The following SCAPER variants were observed in gnomAD, a reference collection of about 807,000 sequenced individuals.
SCAPER encodes S phase cyclin A-associated protein in the endoplasmic reticulum.
A neutral mutation model predicts 182.2 loss-of-function variants in SCAPER; 98 were observed. That is an observed-to-expected ratio of 0.54 (90% CI 0.46 to 0.64). The LOEUF (loss-of-function observed/expected upper bound fraction) is 0.64, where lower values mean the gene tolerates loss of function less well. SCAPER is among the 30% of genes least tolerant of loss of function. The pLI, the probability that SCAPER is intolerant of heterozygous loss-of-function variation, is 0.00. For synonymous variants in SCAPER, 605 were observed against 564.6 expected, an observed-to-expected ratio of 1.07 and a Z score of -1.01; for missense variants, 1,432 against 1,690.0, an observed-to-expected ratio of 0.85 and a Z score of 2.68.
intron 24 of SCAPER, among the ~76,000 whole-genome samples, chr15:76,501,042 A>G (rs754091320): frequency 1.2e-3 from 106 of 89,964 alleles, no homozygotes; most frequent in African/African-American, 5.9e-3. Flanking sequence ...AACCCTGTCT[A>G]AAAAAAAAAA....
chr15:76,749,951 C>G (rs12898416), intron 15 of SCAPER, among the ~76,000 whole-genome samples: 41,414 of 151,556 alleles, frequency 0.27, 6,434 homozygotes, highest in East Asian at 0.55. Context: ...AACAACAAAG[C>G]TTATGGACTT....
At chr15:76,641,204 T>C (rs1310309206) in intron 21 of SCAPER, among the ~76,000 whole-genome samples, 2 of 152,210 alleles carry the variant, frequency 1.3e-5, no homozygotes, top group African/African-American at 2.4e-5. Flanking sequence ...TTGCTAATCA[T>C]AGGTTATGGA....
chr15:76,432,407 C>A (rs2046929316), intron 26 of SCAPER, among the ~76,000 whole-genome samples: 1 of 152,220 alleles, frequency 6.6e-6, no homozygotes. Context: ...AAGGAAGCTA[C>A]TGAATGAAAC....
chr15:76,827,396 C>A (rs1266265642), intron 5 of SCAPER, among the ~76,000 whole-genome samples: 1 of 152,180 alleles, frequency 6.6e-6, no homozygotes, highest in Non-Finnish European at 1.5e-5. Context: ...AGTATACAGG[C>A]AGCTTAGCAC....
chr15:76,757,714 C>T (rs893803399), intron 14 of SCAPER, among the ~76,000 whole-genome samples: 1 of 152,148 alleles, frequency 6.6e-6, no homozygotes. Flanking sequence ...TACTAATTTA[C>T]ATTCCTACCA....
intron 11 of SCAPER, 57 bp from the exon 12 acceptor site, chr15:76,765,695 G>T: frequency 1.5e-6 from 2 of 1,330,596 alleles, no homozygotes; most frequent in South Asian, 2.5e-5. Context: ...TACAACTTTA[G>T]AAAATGAACT....
chr15:76,861,385 G>A (rs2071850435), intron 3 of SCAPER, among the ~76,000 whole-genome samples: 1 of 152,246 alleles, frequency 6.6e-6, no homozygotes, highest in South Asian at 2.1e-4. Context: ...TAACTGAAAA[G>A]GACACATCAT....
At chr15:76,673,050 GA>G (rs1160345575) in intron 20 of SCAPER, among the ~76,000 whole-genome samples, 1 of 151,920 alleles carries the variant, frequency 6.6e-6, no homozygotes, top group African/African-American at 2.4e-5. Context: ...TATGCCAAAA[GA>G]AAATAATGTA....
At position 76,348,118 on chromosome 15, in the gene SCAPER, A is replaced by G. The variant is rs557042400; in HGVS notation, c.*515T>C. ...CTAAGTTGATTTCAAATAGCCCCCA[A>G]ACATATTATGTAGTCAGAATGCAAA... On this transcript the variant is annotated 3_prime_UTR_variant, in exon 32 of 32. Transcript: ENST00000563290. 1 of 152,416 alleles carries G rather than the reference A, an allele frequency of 6.6e-6. No homozygotes were observed. Among genetic ancestry groups the G allele is most frequent in the Non-Finnish European group, 1.5e-5 (1 of 68,086 alleles). 9.4% of individuals were successfully genotyped at this position (152,416 alleles called of 1,614,324 possible).
chr15:76,652,548 CACACACACACACAT>C (rs1383806640), intron 21 of SCAPER, among the ~76,000 whole-genome samples: 2 of 145,384 alleles, frequency 1.4e-5, no homozygotes, highest in Non-Finnish European at 3.0e-5. Flanking sequence ...CACACACACA[CACACACACACACAT>C]TAGCCGGGTG....
chr15:76,668,438 T>C (rs2146812238), intron 20 of SCAPER, among the ~76,000 whole-genome samples: 1 of 152,338 alleles, frequency 6.6e-6, no homozygotes, highest in Non-Finnish European at 1.5e-5. Context: ...CATTGATCTC[T>C]CTGATCTCAT....
intron 23 of SCAPER, among the ~76,000 whole-genome samples, chr15:76,524,746 T>C (rs1597191307): frequency 7.4e-6 from 1 of 135,578 alleles, no homozygotes; most frequent in East Asian, 2.4e-4. Context: ...TACCAATACG[T>C]AAGAGTGTAT....
At chr15:76,822,782 A>C (rs1365337020) in intron 5 of SCAPER, among the ~76,000 whole-genome samples, 1 of 152,216 alleles carries the variant, frequency 6.6e-6, no homozygotes, top group Non-Finnish European at 1.5e-5. Context: ...TATGGAAGAA[A>C]AGACTGTTAA....
intron 16 of SCAPER, among the ~76,000 whole-genome samples, chr15:76,732,708 G>A (rs1164705668): frequency 6.6e-6 from 1 of 152,152 alleles, no homozygotes; most frequent in Non-Finnish European, 1.5e-5. Flanking sequence ...TTATCCTGAG[G>A]CCTAACCGTC....
In SCAPER at chr15:76,905,338, C is replaced by G. The variant is rs1284612280; in HGVS notation, c.-99G>C. 8.5e-6 allele frequency: 2 copies of G among 236,220 alleles called. No homozygotes were observed. The highest frequency in any genetic ancestry group is 1.8e-5 in the Non-Finnish European group (2 of 113,074). 14.6% of individuals were successfully genotyped at this position (236,220 alleles called of 1,614,324 possible). Reference sequence around the variant, plus strand: ...CTTAGTTCGGGGCGGCTCAAAGCGTCCCGCCGGGAAAGGGGCGTGACGGGG... The same window carrying G: ...CTTAGTTCGGGGCGGCTCAAAGCGTGCCGCCGGGAAAGGGGCGTGACGGGG... On this transcript the variant is annotated 5_prime_UTR_variant, in exon 1 of 32. Transcript: ENST00000563290.
intron 21 of SCAPER, among the ~76,000 whole-genome samples, chr15:76,630,278 T>C (rs1214029575): frequency 2.0e-5 from 3 of 152,170 alleles, no homozygotes; most frequent in African/African-American, 7.2e-5. Flanking sequence ...TTTTGAAGGA[T>C]TTTTCACATC....
intron 4 of SCAPER, among the ~76,000 whole-genome samples, chr15:76,847,106 C>T (rs1281959132): frequency 6.6e-6 from 1 of 151,990 alleles, no homozygotes; most frequent in Non-Finnish European, 1.5e-5. Context: ...GAAAGACAAA[C>T]ATCACATGGT....
At chr15:76,503,921 T>G (rs1371109484) in intron 24 of SCAPER, among the ~76,000 whole-genome samples, 1 of 152,084 alleles carries the variant, frequency 6.6e-6, no homozygotes. Context: ...GGTCTTGCTC[T>G]GTTGCCCAGA....
intron 21 of SCAPER, among the ~76,000 whole-genome samples, chr15:76,631,292 T>G (rs762008691): frequency 3.3e-5 from 5 of 152,220 alleles, no homozygotes; most frequent in African/African-American, 4.8e-5. Flanking sequence ...CATTTACACT[T>G]AAGGTTAATA....
Sources: allele counts gnomAD v4.1 joint callset (sites outside exome capture counted in the v4.1 genomes callset), GRCh38; gene constraint gnomAD v4.1.1; transcripts MANE v1.5; gene names NCBI Gene and HGNC (gene_info 2026-07-23, HGNC 2026-07-21).